BBX: variants seen among roughly 807,000 people sequenced by gnomAD.
The protein encoded by BBX is BBX high mobility group box domain containing, also known as HMG box transcription factor BBX.
Under a neutral mutation model 100.2 loss-of-function variants are expected in BBX, and 30 were observed. The ratio of observed to expected loss-of-function variants is 0.30; its 90% CI spans 0.22 to 0.41. BBX has a LOEUF of 0.41. BBX is among the 10% of genes least tolerant of loss of function. The pLI is 1.00. For missense variants in BBX, 1,023 were observed against 1,129.8 expected (o/e 0.91, Z 1.35); for synonymous variants, 376 against 388.1 (o/e 0.97, Z 0.37).
intron 2 of BBX, among the ~76,000 whole-genome samples, chr3:107,558,178 G>A (rs1435401258): frequency 6.6e-6 from 1 of 152,180 alleles, no homozygotes; most frequent in Non-Finnish European, 1.5e-5. Flanking sequence ...TGGCACCTTA[G>A]AGTTGTCACT....
chr3:107,737,979 C>G (rs971726920), intron 7 of BBX, among the ~76,000 whole-genome samples: 2 of 129,340 alleles, frequency 1.5e-5, no homozygotes, highest in East Asian at 4.9e-4. Context: ...CTGAAATGCT[C>G]TAGTGAGCAT....
chr3:107,805,308 T>C, intron 17 of BBX, 62 bp from the exon 18 acceptor site: 1 of 1,484,488 alleles, frequency 6.7e-7, no homozygotes, highest in Non-Finnish European at 9.1e-7. Flanking sequence ...TTATTCATCG[T>C]CCTCTCCTGT....
At chr3:107,670,983 G>C (rs1450603627) in intron 3 of BBX, among the ~76,000 whole-genome samples, 2 of 151,962 alleles carry the variant, frequency 1.3e-5, no homozygotes, top group Admixed American at 6.6e-5. Flanking sequence ...GTTGAGGAAT[G>C]TCTGTTAGTT....
intron 2 of BBX, among the ~76,000 whole-genome samples, chr3:107,624,419 C>A (rs772181225): frequency 6.6e-6 from 1 of 151,876 alleles, no homozygotes; most frequent in Non-Finnish European, 1.5e-5. Flanking sequence ...TAATAAACAT[C>A]ATATTTACAA....
chr3:107,621,236 G>C (rs1417281719), intron 2 of BBX, among the ~76,000 whole-genome samples: 1 of 152,100 alleles, frequency 6.6e-6, no homozygotes, highest in African/African-American at 2.4e-5. Context: ...TCTGTGCCCT[G>C]TTGGCATTTT....
intron 2 of BBX, among the ~76,000 whole-genome samples, chr3:107,592,793 C>T (rs183194015): frequency 6.6e-6 from 1 of 152,174 alleles, no homozygotes; most frequent in East Asian, 1.9e-4. Context: ...TGATCCTGAG[C>T]CTCCCACCTC....
At chr3:107,795,605 G>A (rs1362975975) in intron 15 of BBX, among the ~76,000 whole-genome samples, 2 of 143,850 alleles carry the variant, frequency 1.4e-5, no homozygotes, top group Non-Finnish European at 3.0e-5. Context: ...GAGAACCTCC[G>A]ACGTAGTCTT....
intron 5 of BBX, among the ~76,000 whole-genome samples, chr3:107,726,133 T>C (rs2062913700): frequency 6.6e-6 from 1 of 151,894 alleles, no homozygotes; most frequent in African/African-American, 2.4e-5. Flanking sequence ...TTCAGAGGAG[T>C]ATACAGAGTC....
intron 3 of BBX, among the ~76,000 whole-genome samples, chr3:107,697,277 C>T (rs2060685011): frequency 6.6e-6 from 1 of 151,928 alleles, no homozygotes; most frequent in Admixed American, 6.5e-5. Flanking sequence ...AGGCGCTCTG[C>T]TGTTTAGAGT....
chr3:107,783,878 A>G (rs1051270276), intron 13 of BBX, among the ~76,000 whole-genome samples: 4 of 152,018 alleles, frequency 2.6e-5, no homozygotes, highest in Non-Finnish European at 5.9e-5. Context: ...TTTCATTTCA[A>G]ACCACCGCTA....
At chr3:107,576,451 T>C (rs942839739) in intron 2 of BBX, among the ~76,000 whole-genome samples, 4 of 152,254 alleles carry the variant, frequency 2.6e-5, no homozygotes, top group Admixed American at 1.3e-4. Context: ...ATCGGTTTAT[T>C]GACCTCCCTA....
chr3:107,796,264 T>G (rs1023924428), intron 15 of BBX, among the ~76,000 whole-genome samples: 6 of 152,224 alleles, frequency 3.9e-5, no homozygotes, highest in Admixed American at 3.3e-4. Context: ...TTGGCCTTTT[T>G]CTGGTATCCA....
At chr3:107,633,989 C>T (rs2056705812) in intron 2 of BBX, among the ~76,000 whole-genome samples, 1 of 152,202 alleles carries the variant, frequency 6.6e-6, no homozygotes, top group African/African-American at 2.4e-5. Flanking sequence ...TTCATCTCTT[C>T]TTGCTAGCCA....
At chr3:107,562,295 T>G (rs2050558998) in intron 2 of BBX, among the ~76,000 whole-genome samples, 1 of 152,244 alleles carries the variant, frequency 6.6e-6, no homozygotes, top group Non-Finnish European at 1.5e-5. Flanking sequence ...ACACTTGTTT[T>G]AAGGGAAGTT....
At chr3:107,620,679 G>A (rs1166279698) in intron 2 of BBX, among the ~76,000 whole-genome samples, 1 of 152,182 alleles carries the variant, frequency 6.6e-6, no homozygotes, top group Non-Finnish European at 1.5e-5. Context: ...CCTTTCACCA[G>A]TAGGCTTCTG....
At chr3:107,761,057 C>T (rs1446393207) in intron 10 of BBX, among the ~76,000 whole-genome samples, 2 of 152,196 alleles carry the variant, frequency 1.3e-5, no homozygotes, top group African/African-American at 4.8e-5. Context: ...CTGAGGCCAA[C>T]AGTCATTGCC....
chr3:107,551,027 G>A (rs767528010), intron 2 of BBX, among the ~76,000 whole-genome samples: 15 of 152,132 alleles, frequency 9.9e-5, no homozygotes, highest in Non-Finnish European at 1.8e-4. Flanking sequence ...GGAGAGTTTA[G>A]CGCTATCTAA....
chr3:107,587,710 A>G (rs2052965804), intron 2 of BBX, among the ~76,000 whole-genome samples: 1 of 152,130 alleles, frequency 6.6e-6, no homozygotes, highest in Non-Finnish European at 1.5e-5. Flanking sequence ...ATTCATTTTC[A>G]CCTTCACTGG....
rs1297773990 is a variant in BBX at position 107,700,335 on chromosome 3, A to C, written c.-9-10117A>C. ...ATAAACTTTGAAAGTGGCAGGGAAG[A>C]TGAGAATTTGGGAGGGTTCAGGAAA... On this transcript the variant is annotated intron_variant, in intron 3 of 17. Transcript: ENST00000325805. Among the ~76,000 whole-genome samples the C allele has an allele frequency of 2.0e-5, 3 of 151,606 alleles. No homozygotes were observed. In the South Asian group the frequency reaches 6.2e-4, roughly 31 times the overall value.
Sources: gnomAD v4.1 joint callset for allele counts (sites outside exome capture counted in the v4.1 genomes callset) on GRCh38, gnomAD v4.1.1 for gene constraint, MANE v1.5 for transcripts, NCBI Gene and HGNC (gene_info 2026-07-23, HGNC 2026-07-21) for gene names.